Variants in NPY observed in about 807,000 individuals in gnomAD.
The protein encoded by NPY is neuropeptide Y.
A neutral mutation model predicts 13.2 loss-of-function variants in NPY; 11 were observed. The observed-to-expected ratio is 0.83, with a 90% CI of 0.52 to 1.38. The LOEUF (loss-of-function observed/expected upper bound fraction) is 1.38, where lower values mean the gene tolerates loss of function less well. Among genes scored for constraint, NPY ranks in the 40% most tolerant of loss-of-function variants. The probability of loss-of-function intolerance (pLI) is 0.00; values close to 1 mark genes in which losing one functional copy is unlikely to be tolerated. For missense variants in NPY, 109 were observed against 125.1 expected (o/e 0.87, Z 0.61); for synonymous variants, 51 against 55.6 (o/e 0.92, Z 0.37).
At chr7:24,284,477 CTGAT>C (rs899418232) in intron 1 of NPY, among the ~76,000 whole-genome samples, 2 of 152,226 alleles carry the variant, frequency 1.3e-5, no homozygotes, top group African/African-American at 4.8e-5. Flanking sequence ...CTGCTCCCCT[CTGAT>C]TGTCCACGGC....
intron 2 of NPY, among the ~76,000 whole-genome samples, chr7:24,288,139 G>T (rs1471449270): frequency 6.6e-6 from 1 of 152,172 alleles, no homozygotes; most frequent in East Asian, 1.9e-4. Context: ...TGGTAAATTG[G>T]ATAAAAAGTT....
Position 24,285,100 on chromosome 7 carries a change from C to A in NPY, c.1-141C>A. ...AGGTGGTGCTAGCCACTCCTGGGTT[C>A]TCTCTGCGGGACTGGGACGAGAGCG... On this transcript the variant is annotated intron_variant, in intron 1 of 3. Transcript: ENST00000242152. This position sits in a 1 kb window ranked among gnomAD's most constrained non-coding sequence, Gnocchi z 4.9. The A allele has an allele frequency of 1.1e-6, 1 of 882,954 alleles. No homozygotes were observed. The highest frequency in any genetic ancestry group is 1.5e-5 in the South Asian group (1 of 64,974). The allele number at this position is 882,954 out of a possible 1,614,324, so 54.7% of individuals were successfully genotyped here.
intron 2 of NPY, among the ~76,000 whole-genome samples, chr7:24,289,174 A>G (rs919074376): frequency 2.0e-5 from 3 of 152,170 alleles, no homozygotes; most frequent in Non-Finnish European, 2.9e-5. Flanking sequence ...CCTGTCACCT[A>G]GTTATAAAAG....
Position 24,290,759 on chromosome 7 carries a change from A to AAATAATAAT in NPY, c.270-894_270-886dup, listed in dbSNP as rs747171869. On this transcript the variant is annotated intron_variant, in intron 3 of 3. Transcript: ENST00000242152. ...TTGTAAGGGTTATCTTTTTTTAATT[A>AAATAATAAT]AATAATAATAATAATAATTATTATT... Among the ~76,000 whole-genome samples, 301 of 133,106 alleles carry AAATAATAAT rather than the reference A, an allele frequency of 2.3e-3. 2 individuals carry two copies. Among genetic ancestry groups the AAATAATAAT allele is most frequent in the African/African-American group, 6.2e-3 (221 of 35,404 alleles). The allele number at this position is 133,106 out of a possible 152,430, so 87.3% of individuals were successfully genotyped here.
At chr7:24,288,687 G>GAA (rs59946765) in intron 2 of NPY, among the ~76,000 whole-genome samples, 460 of 86,996 alleles carry the variant, frequency 5.3e-3, no homozygotes, top group East Asian at 6.6e-3. Flanking sequence ...TGCTACAGGA[G>GAA]AAAAAAAAAA....
In NPY at chr7:24,285,165, G is replaced by A. The variant is rs1787314140; in HGVS notation, c.1-76G>A. The A allele has an allele frequency of 1.4e-6, 2 of 1,471,862 alleles. No individual in the cohort carries two copies. Among genetic ancestry groups the A allele is most frequent in the Admixed American group, 1.7e-5 (1 of 59,056 alleles). 91.2% of individuals were successfully genotyped at this position (1,471,862 alleles called of 1,614,324 possible). ...TGTGGTAGCAGGAGGAGGAGCGCGG[G>A]GGGCAGAGGAGGGAGGTGCTGCGCG... On this transcript the variant is annotated intron_variant, in intron 1 of 3. Transcript: ENST00000242152. The surrounding 1 kb of genome is among the most constrained non-coding windows in gnomAD (Gnocchi z 4.9).
In NPY at chr7:24,285,236, T is replaced by C; in HGVS notation, c.1-5T>C. ...GCCCGTCCGTTGAGCCTTCTGTGCC[T>C]GCAGATGCTAGGTAACAAGCGACTG... is the stretch of plus-strand genomic sequence containing the variant. On this transcript the variant is annotated splice_region_variant and splice_polypyrimidine_tract_variant and intron_variant, in intron 1 of 3. Transcript: ENST00000242152. The surrounding 1 kb of genome is among the most constrained non-coding windows in gnomAD (Gnocchi z 4.9). 6.2e-7 allele frequency: 1 copy of C among 1,614,006 alleles called. No homozygotes were observed.
intron 3 of NPY, among the ~76,000 whole-genome samples, chr7:24,291,443 G>A (rs539219342): frequency 2.6e-5 from 4 of 152,234 alleles, no homozygotes; most frequent in South Asian, 2.1e-4. Flanking sequence ...TGCCCAAGAC[G>A]CCTGTCAACA....
At chr7:24,290,772 A>T (rs118125992) in intron 3 of NPY, among the ~76,000 whole-genome samples, 19 of 9,506 alleles carry the variant, frequency 2.0e-3, no homozygotes, top group African/African-American at 7.5e-3. Flanking sequence ...TAATAATAAT[A>T]ATAATTATTA....
At position 24,285,899 on chromosome 7, in the gene NPY, T is replaced by C. The variant is rs1787349657; in HGVS notation, c.188+471T>C. On this transcript the variant is annotated intron_variant, in intron 2 of 3. Transcript: ENST00000242152. This position sits in a 1 kb window ranked among gnomAD's most constrained non-coding sequence, Gnocchi z 4.9. The stretch of plus-strand genomic sequence containing the variant: ...AGGGTTGCCACAGACATTGTCAGAC[T>C]TTCCGGCCTGCCCAGGGCTAATTGA... Among the ~76,000 whole-genome samples, 1 of 152,182 alleles carries C rather than the reference T, an allele frequency of 6.6e-6. No homozygotes were observed. Among genetic ancestry groups the C allele is most frequent in the Non-Finnish European group, 1.5e-5 (1 of 68,036 alleles).
intron 1 of NPY, chr7:24,284,730 C>A (rs1342645484): frequency 6.4e-6 from 1 of 156,250 alleles, no homozygotes; most frequent in African/African-American, 2.4e-5. Flanking sequence ...GGCTCCAAAT[C>A]TCTTTGGAGC....
At chr7:24,288,236 G>T (rs566675538) in intron 2 of NPY, among the ~76,000 whole-genome samples, 1 of 152,236 alleles carries the variant, frequency 6.6e-6, no homozygotes, top group East Asian at 1.9e-4. Context: ...CCAATGGATG[G>T]ACAGAATAAA....
At chr7:24,291,562 T>C in intron 3 of NPY, 101 bp from the exon 4 acceptor site, 1 of 1,395,914 alleles carries the variant, frequency 7.2e-7, no homozygotes, top group Non-Finnish European at 1.0e-6. Context: ...TTTCAACAGT[T>C]CCCGGTCATC....
intron 2 of NPY, among the ~76,000 whole-genome samples, chr7:24,286,051 T>G (rs1787361832): frequency 6.6e-6 from 1 of 152,178 alleles, no homozygotes; most frequent in Admixed American, 6.5e-5. Flanking sequence ...CTGAAAACAG[T>G]TTATCTAAAA....
At chr7:24,290,712 G>A (rs1787566862) in intron 3 of NPY, among the ~76,000 whole-genome samples, 1 of 150,632 alleles carries the variant, frequency 6.6e-6, no homozygotes, top group Non-Finnish European at 1.5e-5. Flanking sequence ...AATAGCAAAT[G>A]CAAGGGAAAC....
At chr7:24,291,333 C>T (rs1787592108) in intron 3 of NPY, among the ~76,000 whole-genome samples, 1 of 152,178 alleles carries the variant, frequency 6.6e-6, no homozygotes, top group South Asian at 2.1e-4. Flanking sequence ...TTTCCTGTCA[C>T]AGCTTCATGT....
In NPY at chr7:24,291,683, G is replaced by A. The variant is rs1326321573; in HGVS notation, c.290G>A (p.Trp97Ter). ...PRTRLEDPAM[W>*] ...TACAGGCTTGAAGACCCTGCAATGT[G>A]GTGATGGGAAATGAGACTTGCTCTC... The change falls in exon 4 of 4, where the codon TGG becomes TAG. Residue 97 changes from tryptophan (W) to a stop codon, truncating the protein, a stop_gained. Transcript: ENST00000242152. LOFTEE classifies it high-confidence loss of function. The A allele has an allele frequency of 1.2e-6, 2 of 1,613,956 alleles. No homozygotes were observed. The highest frequency in any genetic ancestry group is 1.7e-6 in the Non-Finnish European group (2 of 1,180,000).
chr7:24,289,581 T>C lies in NPY; in HGVS notation c.269+2T>C. On this transcript the variant is annotated splice_donor_variant, in intron 3 of 3. Coordinates refer to ENST00000242152, the MANE Select transcript of NPY (RefSeq NM_000905.4). LOFTEE classifies it high-confidence loss of function. ...CACAGAAAATGTTCCCAGAACTCGGTATGACAAGGCTTGTGATGGGGACAT... is the reference window on the plus strand; with the variant it reads ...CACAGAAAATGTTCCCAGAACTCGGCATGACAAGGCTTGTGATGGGGACAT... The C allele has an allele frequency of 6.2e-7, 1 of 1,608,882 alleles. No individual in the cohort carries two copies. Among genetic ancestry groups the C allele is most frequent in the Non-Finnish European group, 8.5e-7 (1 of 1,177,072 alleles).
At chr7:24,290,778 T>TAATAATA (rs1787574577) in intron 3 of NPY, among the ~76,000 whole-genome samples, 1 of 16,606 alleles carries the variant, frequency 6.0e-5, no homozygotes, top group African/African-American at 1.6e-4. Context: ...TAATAATAAT[T>TAATAATA]ATTATTATTA....
Sources: gnomAD v4.1 joint callset for allele counts (sites outside exome capture counted in the v4.1 genomes callset) on GRCh38, gnomAD v4.1.1 for gene constraint, Gnocchi (gnomAD v3.1) non-coding constraint, MANE v1.5 for transcripts, NCBI Gene and HGNC (gene_info 2026-07-23, HGNC 2026-07-21) for gene names.